PKHD1L1: variants seen among roughly 807,000 people sequenced by gnomAD.
PKHD1L1 encodes the protein fibrocystin-L.
In PKHD1L1, 434 loss-of-function variants were observed where a neutral mutation model predicts 462.9. The ratio of observed to expected loss-of-function variants is 0.94; its 90% CI spans 0.87 to 1.02. The LOEUF (loss-of-function observed/expected upper bound fraction) is 1.02. Among genes scored for constraint, PKHD1L1 ranks in the 50% least tolerant of loss-of-function variants. PKHD1L1 has a pLI of 0.00. For missense variants in PKHD1L1, 5,202 were observed against 5,096.1 expected, an observed-to-expected ratio of 1.02 and a Z score of -0.63; for synonymous variants, 1,781 against 1,750.0, an observed-to-expected ratio of 1.02 and a Z score of -0.44.
chr8:109,522,746 G>A lies in PKHD1L1; in HGVS notation c.12186G>A (p.Val4062=). The A allele has an allele frequency of 6.2e-7, 1 of 1,607,656 alleles. No individual in the cohort carries two copies. The highest frequency in any genetic ancestry group is 8.5e-7 in the Non-Finnish European group (1 of 1,178,202). Residue 4062 remains valine, a splice_region_variant and synonymous_variant, in exon 75 of 78, where the codon GTG becomes GTA. Coordinates refer to ENST00000378402, the MANE Select transcript of PKHD1L1 (RefSeq NM_177531.6). ...GTTCATCCCTTGTGCATTCACAGGT[G>A]ACTGCCCAGCCAGTTGAAAGGTCTG... The part of the protein sequence containing the change: ...PSPSDSGWIK[V]TAQPVERSAF...
chr8:109,493,977 CA>C (rs1656090069), intron 63 of PKHD1L1, among the ~76,000 whole-genome samples: 1 of 151,708 alleles, frequency 6.6e-6, no homozygotes, highest in African/African-American at 2.4e-5. Flanking sequence ...CCCAAAACTC[CA>C]ACGACAACTT....
intron 21 of PKHD1L1, among the ~76,000 whole-genome samples, chr8:109,415,254 G>C (rs974433241): frequency 6.6e-6 from 1 of 151,800 alleles, no homozygotes; most frequent in African/African-American, 2.4e-5. Context: ...CTCCTGCCTA[G>C]GCCTCCCTCC....
intron 6 of PKHD1L1, among the ~76,000 whole-genome samples, chr8:109,386,426 G>A (rs1812445068): frequency 6.6e-6 from 1 of 152,090 alleles, no homozygotes. Context: ...AATTCAGATA[G>A]ACACTCAGCA....
chr8:109,504,572 T>A, intron 68 of PKHD1L1, 80 bp downstream of exon 68: 3 of 905,002 alleles, frequency 3.3e-6, no homozygotes, highest in Non-Finnish European at 4.7e-6. Flanking sequence ...TCTGAGAAAG[T>A]TGGCATATTA....
intron 30 of PKHD1L1, among the ~76,000 whole-genome samples, chr8:109,437,857 G>A (rs1436213246): frequency 6.6e-6 from 1 of 152,058 alleles, no homozygotes; most frequent in Non-Finnish European, 1.5e-5. Context: ...ATCTGCAAAA[G>A]CATCAAATAG....
At chr8:109,480,178 C>A in intron 55 of PKHD1L1, 39 bp downstream of exon 55, 1 of 1,497,386 alleles carries the variant, frequency 6.7e-7, no homozygotes, top group South Asian at 1.3e-5. Flanking sequence ...CTTTATTAAT[C>A]TAATTCTAAA....
intron 59 of PKHD1L1, among the ~76,000 whole-genome samples, chr8:109,488,565 G>A (rs368299342): frequency 6.6e-6 from 1 of 151,990 alleles, no homozygotes; most frequent in African/African-American, 2.4e-5. Flanking sequence ...TGGGTACTAG[G>A]AGTAGACCAT....
rs1187017705 is a variant in PKHD1L1, at chr8:109,464,345, A to G, written c.7513A>G (p.Ile2505Val). ...IHQAYNRAVTIHNTHHLLVER... is the reference protein window; with the variant it reads ...IHQAYNRAVTVHNTHHLLVER... ...CCAGGCCTATAACAGAGCTGTTACT[A>G]TTCATAACACACACCATCTTCTGGT... is the stretch of plus-strand genomic sequence containing the variant. Residue 2505 changes from isoleucine to valine, a missense_variant, in exon 49 of 78, where the codon ATT becomes GTT. Physicochemically the swap from Ile to Val is conservative, Grantham distance 29. Around this residue, in one of 3 missense-constraint regions of PKHD1L1, gnomAD observed 4,497 missense variants for 4,336.8 expected, o/e 1.04. Transcript: ENST00000378402. 2 of 1,613,256 alleles carry G rather than the reference A, an allele frequency of 1.2e-6. No homozygotes were observed. Among genetic ancestry groups the G allele is most frequent in the African/African-American group, 2.7e-5 (2 of 74,878 alleles).
Position 109,534,955 on chromosome 8 carries a change from G to C in PKHD1L1, c.*4865G>C, listed in dbSNP as rs1821116012. Among the ~76,000 whole-genome samples, 1 of 151,652 alleles carries C rather than the reference G, an allele frequency of 6.6e-6. No individual in the cohort carries two copies. The highest frequency in any genetic ancestry group is 1.5e-5 in the Non-Finnish European group (1 of 67,944). ...TATGTATTCTTTCAATTTCTCTAAA[G>C]TGCTTAGCACACACTCTGCCCATGG... On this transcript the variant is annotated 3_prime_UTR_variant, in exon 78 of 78. Transcript: ENST00000378402.
chr8:109,425,032 T>C, intron 23 of PKHD1L1, 53 bp from the exon 24 acceptor site: 2 of 1,364,502 alleles, frequency 1.5e-6, no homozygotes, highest in Non-Finnish European at 2.0e-6. Context: ...ATAGAAATCA[T>C]GTAAGCCATT....
chr8:109,380,585 C>T (rs138026641), intron 2 of PKHD1L1, among the ~76,000 whole-genome samples: 3 of 152,276 alleles, frequency 2.0e-5, no homozygotes, highest in South Asian at 2.1e-4. Flanking sequence ...GTTACTTCCC[C>T]CAGGGAGAAC....
At position 109,419,218 on chromosome 8, in the gene PKHD1L1, G is replaced by T; in HGVS notation, c.2482G>T (p.Val828Leu). ...AGAATCACAGTCCTTCTATGTGGATGTAGTGTACATTGGACACACATCTAC... is the reference window on the plus strand; with the variant it reads ...AGAATCACAGTCCTTCTATGTGGATTTAGTGTACATTGGACACACATCTAC... The part of the protein sequence containing the change: ...ASESQSFYVD[V>L]VYIGHTSTIS... The change falls in exon 22 of 78, where the codon GTA becomes TTA. Residue 828 changes from valine (V) to leucine (L), a missense_variant. Val to Leu is a conservative substitution (Grantham distance 32, BLOSUM62 1). Transcript: ENST00000378402. The T allele has an allele frequency of 6.2e-7, 1 of 1,612,066 alleles. No homozygotes were observed. Among genetic ancestry groups the T allele is most frequent in the South Asian group, 1.1e-5 (1 of 90,812 alleles).
intron 4 of PKHD1L1, 22 bp downstream of exon 4, chr8:109,382,593 A>G: frequency 6.3e-7 from 1 of 1,582,300 alleles, no homozygotes; most frequent in Non-Finnish European, 8.6e-7. Flanking sequence ...TCTTCTCTTC[A>G]GTTTATGTAT....
chr8:109,444,901 A>T lies in PKHD1L1; in HGVS notation c.5032A>T (p.Thr1678Ser). Residue 1678 changes from threonine (T) to serine (S), a missense_variant, in exon 38 of 78, where the codon ACC becomes TCC. By Grantham distance (58) the Thr-to-Ser change is moderately conservative. This residue lies in a region of PKHD1L1 where 4,497 missense variants were observed against 4,336.8 expected (regional missense o/e 1.04). Transcript: ENST00000378402. ...AGSTTGMTSV[T>S]IKGSGFAVSS... ...ATCAACTACAGGAATGACAAGCGTGACCATAAAAGGCTCTGGATTTGCCGT... is the reference window on the plus strand; with the variant it reads ...ATCAACTACAGGAATGACAAGCGTGTCCATAAAAGGCTCTGGATTTGCCGT... 1.2e-6 allele frequency: 2 copies of T among 1,614,034 alleles called. No homozygotes were observed.
At chr8:109,441,415 C>A (rs768716001) in intron 34 of PKHD1L1, 36 bp downstream of exon 34, 4 of 1,141,500 alleles carry the variant, frequency 3.5e-6, no homozygotes, top group African/African-American at 1.6e-5. Context: ...ATAATGGAAG[C>A]ACTGAAACCT....
chr8:109,369,945 C>T (rs1358907127), intron 2 of PKHD1L1, among the ~76,000 whole-genome samples: 2 of 152,022 alleles, frequency 1.3e-5, no homozygotes, highest in African/African-American at 4.8e-5. Flanking sequence ...TTTGGTTAAG[C>T]TTAGAGGAAT....
intron 53 of PKHD1L1, among the ~76,000 whole-genome samples, chr8:109,478,597 C>G (rs1253815827): frequency 6.6e-6 from 1 of 151,976 alleles, no homozygotes; most frequent in Non-Finnish European, 1.5e-5. Context: ...ACCTAGGGAG[C>G]AACTTGTGCA....
chr8:109,524,888 C>T (rs959087231), intron 76 of PKHD1L1, among the ~76,000 whole-genome samples: 1 of 149,452 alleles, frequency 6.7e-6, no homozygotes, highest in Admixed American at 6.7e-5. Flanking sequence ...CTCTCTGTTA[C>T]CCTCTCCTTC....
chr8:109,480,247 C>T (rs1463304129), intron 55 of PKHD1L1, 108 bp downstream of exon 55: 7 of 1,184,030 alleles, frequency 5.9e-6, no homozygotes, highest in Non-Finnish European at 8.2e-6. Flanking sequence ...AATAAAAACA[C>T]AACTGGCTCT....
Sources: allele counts gnomAD v4.1 joint callset (sites outside exome capture counted in the v4.1 genomes callset), GRCh38; gene constraint gnomAD v4.1.1; regional missense constraint gnomAD v4.1.1; transcripts MANE v1.5; gene names NCBI Gene and HGNC (gene_info 2026-07-23, HGNC 2026-07-21).